The following VWA5B1 variants were observed in gnomAD, a reference collection of about 807,000 sequenced individuals.
VWA5B1 encodes the protein von Willebrand factor A domain containing 5B1, also known as von Willebrand factor A domain-containing protein 5B1.
A neutral mutation model predicts 118.2 loss-of-function variants in VWA5B1; 115 were observed. The observed-to-expected ratio is 0.97, with a 90% confidence interval of 0.84 to 1.14. VWA5B1 has a LOEUF of 1.14. VWA5B1 is among the 50% of genes most tolerant of loss of function. VWA5B1 has a pLI of 0.00. For synonymous variants in VWA5B1, 682 were observed against 658.4 expected (o/e 1.04, Z -0.55); for missense variants, 1,596 against 1,603.8 (o/e 1.00, Z 0.08).
chr1:20,305,654 G>A (rs1043355041), intron 1 of VWA5B1, among the ~76,000 whole-genome samples: 1 of 152,104 alleles, frequency 6.6e-6, no homozygotes, highest in Non-Finnish European at 1.5e-5. Context: ...AGGACACAGG[G>A]GAAGGTTTGG....
At chr1:20,321,936 T>C (rs560555754) in intron 7 of VWA5B1, among the ~76,000 whole-genome samples, 1 of 152,306 alleles carries the variant, frequency 6.6e-6, no homozygotes, top group African/African-American at 2.4e-5. Flanking sequence ...GTGAGGGCAC[T>C]GCTTGAGCAA....
rs140121012 is a variant in VWA5B1, at chr1:20,312,832, A to C, written c.140-4A>C. 1.3e-6 allele frequency: 2 copies of C among 1,548,072 alleles called. No individual in the cohort carries two copies. Among genetic ancestry groups the C allele is most frequent in the Admixed American group, 3.9e-5 (2 of 50,886 alleles). On this transcript the variant is annotated splice_polypyrimidine_tract_variant and splice_region_variant and intron_variant, in intron 2 of 21. Transcript: ENST00000289815. ...CCCCGTGATGCTGGGCCCTGCTCCGACAGGCCTCTTCGTGTACCCCCTGGA... is the reference window on the plus strand; with the variant it reads ...CCCCGTGATGCTGGGCCCTGCTCCGCCAGGCCTCTTCGTGTACCCCCTGGA...
At chr1:20,325,697 C>G (rs942795390) in intron 8 of VWA5B1, among the ~76,000 whole-genome samples, 3 of 152,234 alleles carry the variant, frequency 2.0e-5, no homozygotes, top group African/African-American at 7.2e-5. Context: ...CTGCCCTTCT[C>G]CAGTTCAGCT....
intron 7 of VWA5B1, among the ~76,000 whole-genome samples, chr1:20,321,696 T>G (rs2089222886): frequency 6.6e-6 from 1 of 151,266 alleles, no homozygotes; most frequent in Non-Finnish European, 1.5e-5. Flanking sequence ...AGCAAAAGCC[T>G]GTCTGAGGAT....
chr1:20,350,776 C>G, intron 19 of VWA5B1, 81 bp from the exon 20 acceptor site: 2 of 1,354,010 alleles, frequency 1.5e-6, no homozygotes, highest in South Asian at 2.5e-5. Flanking sequence ...CCTCTCTAGG[C>G]CTCTGTTCCC....
chr1:20,342,341 G>A, intron 14 of VWA5B1, 91 bp from the exon 15 acceptor site: 1 of 1,381,990 alleles, frequency 7.2e-7, no homozygotes, highest in South Asian at 1.4e-5. Context: ...AGGAAGGAGG[G>A]TCCAGCCACC....
At chr1:20,352,222 C>T in intron 21 of VWA5B1, 50 bp downstream of exon 21, 1 of 1,399,034 alleles carries the variant, frequency 7.1e-7, no homozygotes, top group South Asian at 1.3e-5. Flanking sequence ...CACTCAGCAG[C>T]AGGGCCTTCC....
In VWA5B1 at chr1:20,318,610, GA is replaced by G; in HGVS notation, c.731del (p.Glu244GlyfsTer45). On this transcript the variant is annotated frameshift_variant, in exon 6 of 22. Transcript: ENST00000289815. LOFTEE classifies it high-confidence loss of function. Reference protein sequence around the residue: ...LLAGVESPTHEIRADAAPSAR... With the variant: ...LLAGVESPTHXIRADAAPSAR... ...CTCAGGGGTGGAGAGTCCCACTCATGAGATTCGTGCCGACGCCGCCCCATCT... is the reference window on the plus strand; with the variant it reads ...CTCAGGGGTGGAGAGTCCCACTCATGGATTCGTGCCGACGCCGCCCCATCT... 1 of 1,551,436 alleles carries G rather than the reference GA, an allele frequency of 6.4e-7. No individual in the cohort carries two copies. Among genetic ancestry groups the G allele is most frequent in the Non-Finnish European group, 8.7e-7 (1 of 1,146,900 alleles).
At chr1:20,299,208 C>T (rs991727109) in intron 1 of VWA5B1, among the ~76,000 whole-genome samples, 4 of 152,092 alleles carry the variant, frequency 2.6e-5, no homozygotes, top group Non-Finnish European at 5.9e-5. Context: ...ATGGGAAACT[C>T]GGTATCCTAA....
At position 20,353,805 on chromosome 1, in the gene VWA5B1, T is replaced by C; in HGVS notation, c.3190T>C (p.Cys1064Arg). The C allele has an allele frequency of 6.8e-7, 1 of 1,481,446 alleles. No homozygotes were observed. The highest frequency in any genetic ancestry group is 9.0e-7 in the Non-Finnish European group (1 of 1,113,402). 91.8% of individuals were successfully genotyped at this position (1,481,446 alleles called of 1,614,324 possible). ...SGAFLLNEAF[C>R]EATHIPMEKL... is the part of the protein sequence containing the mutation. ...AGCCTTCCTGCTCAACGAAGCCTTCTGTGAGGCCACGCACATCCCCATGGA... is the reference window on the plus strand; with the variant it reads ...AGCCTTCCTGCTCAACGAAGCCTTCCGTGAGGCCACGCACATCCCCATGGA... Residue 1064 changes from cysteine to arginine, a missense_variant, in exon 22 of 22, where the codon TGT (cysteine) becomes CGT (arginine). By Grantham distance (180) the Cys-to-Arg change is radical. Transcript: ENST00000289815.
intron 14 of VWA5B1, chr1:20,338,147 T>A (rs1395625230): frequency 1.2e-5 from 6 of 517,876 alleles, no homozygotes; most frequent in Admixed American, 6.8e-5. Context: ...GGGCCCACCT[T>A]GGCTCAGTAC....
At chr1:20,310,849 G>A (rs563442572) in intron 2 of VWA5B1, 109 bp downstream of exon 2, 32 of 1,367,140 alleles carry the variant, frequency 2.3e-5, no homozygotes, top group African/African-American at 1.2e-4. Flanking sequence ...CCACCCCTCC[G>A]AGTCTGTTTC....
intron 13 of VWA5B1, 78 bp from the exon 14 acceptor site, chr1:20,337,568 A>G (rs742056): frequency 0.069 from 99,661 of 1,442,354 alleles, 3,801 homozygotes; most frequent in Admixed American, 0.11. Context: ...AGACACTTCC[A>G]AACAGGAAAG....
At chr1:20,342,371 T>TCTCCTCCTC (rs368745611) in intron 14 of VWA5B1, 61 bp from the exon 15 acceptor site, 4 of 1,482,228 alleles carry the variant, frequency 2.7e-6, no homozygotes, top group South Asian at 2.5e-5. Flanking sequence ...TCCTCCTCCT[T>TCTCCTCCTC]CTCCTCCTCC....
At chr1:20,306,537 G>A (rs2088660494) in intron 1 of VWA5B1, among the ~76,000 whole-genome samples, 1 of 152,176 alleles carries the variant, frequency 6.6e-6, no homozygotes, top group Non-Finnish European at 1.5e-5. Context: ...TCTTCCATTA[G>A]TATCTCTACT....
chr1:20,351,603 G>A (rs1002718427), intron 20 of VWA5B1, among the ~76,000 whole-genome samples: 4 of 152,126 alleles, frequency 2.6e-5, no homozygotes, highest in Non-Finnish European at 4.4e-5. Flanking sequence ...AGTGAACCGA[G>A]ATTGCTCCAC....
chr1:20,291,316 TA>T (rs2088294403), intron 1 of VWA5B1, among the ~76,000 whole-genome samples: 1 of 151,544 alleles, frequency 6.6e-6, no homozygotes, highest in African/African-American at 2.4e-5. Context: ...CACATGTTGC[TA>T]CTCAGGTCCA....
intron 3 of VWA5B1, among the ~76,000 whole-genome samples, chr1:20,313,635 A>G (rs1057387197): frequency 3.9e-5 from 6 of 152,262 alleles, no homozygotes; most frequent in African/African-American, 1.4e-4. Context: ...TAGACCAGGT[A>G]TAATATAATG....
chr1:20,322,723 C>T (rs375887366), intron 7 of VWA5B1, among the ~76,000 whole-genome samples: 86 of 152,298 alleles, frequency 5.6e-4, no homozygotes, highest in African/African-American at 2.0e-3. Context: ...TGCTCTCTGC[C>T]AGGCAGCCAG....
Sources: gnomAD v4.1 joint callset for allele counts (sites outside exome capture counted in the v4.1 genomes callset) on GRCh38, gnomAD v4.1.1 for gene constraint, MANE v1.5 for transcripts, NCBI Gene and HGNC (gene_info 2026-07-23, HGNC 2026-07-21) for gene names.